Variants in ZNRF1 observed in about 807,000 individuals in gnomAD.
The protein encoded by ZNRF1 is zinc and ring finger 1.
ZNRF1 carries 3 observed loss-of-function variants against 18.4 expected under a neutral mutation model. The observed-to-expected ratio is 0.16, with a 90% CI of 0.07 to 0.42. The LOEUF (loss-of-function observed/expected upper bound fraction) is 0.42. ZNRF1 is among the 10% of genes least tolerant of loss of function. The pLI, the probability that ZNRF1 is intolerant of heterozygous loss-of-function variation, is 0.99. For synonymous variants in ZNRF1, 157 were observed against 144.2 expected (o/e 1.09, Z -0.64); for missense variants, 310 against 329.8 (o/e 0.94, Z 0.47).
At chr16:75,058,642 A>T (rs1158896997) in intron 1 of ZNRF1, among the ~76,000 whole-genome samples, 1 of 152,168 alleles carries the variant, frequency 6.6e-6, no homozygotes, top group Non-Finnish European at 1.5e-5. Flanking sequence ...GGCAGAAAGT[A>T]AGTAGCAAAC....
rs116128830 is a variant in ZNRF1, at chr16:75,069,818, A to T, written c.425-23754A>T. Among the ~76,000 whole-genome samples, 510 of 152,310 alleles carry T rather than the reference A, an allele frequency of 3.3e-3. 2 individuals carry two copies. Among genetic ancestry groups the T allele is most frequent in the African/African-American group, 0.012 (491 of 41,564 alleles). On this transcript the variant is annotated intron_variant, in intron 1 of 4. Coordinates refer to ENST00000335325, the MANE Select transcript of ZNRF1 (RefSeq NM_032268.5). Reference sequence around the variant, plus strand: ...CCAGATAAACCAGCTATCTCCACTTACATGTTTCTCACATTCCTAGAACTT... The same window carrying T: ...CCAGATAAACCAGCTATCTCCACTTTCATGTTTCTCACATTCCTAGAACTT...
chr16:75,082,397 C>A (rs2036023165), intron 1 of ZNRF1, among the ~76,000 whole-genome samples: 1 of 152,204 alleles, frequency 6.6e-6, no homozygotes, highest in Non-Finnish European at 1.5e-5. Context: ...AATACTGTTG[C>A]TGAGGATCCA....
At position 75,069,812 on chromosome 16, in the gene ZNRF1, C is replaced by T. The variant is rs1406960654; in HGVS notation, c.425-23760C>T. On this transcript the variant is annotated intron_variant, in intron 1 of 4. Coordinates refer to ENST00000335325, the MANE Select transcript of ZNRF1 (RefSeq NM_032268.5). ...CTCACACCAGATAAACCAGCTATCT[C>T]CACTTACATGTTTCTCACATTCCTA... Among the ~76,000 whole-genome samples the T allele has an allele frequency of 2.6e-5, 4 of 152,208 alleles. No individual in the cohort carries two copies. In the East Asian group the frequency reaches 7.7e-4, roughly 29 times the overall value.
intron 2 of ZNRF1, among the ~76,000 whole-genome samples, chr16:75,098,003 G>A (rs969214055): frequency 3.3e-5 from 5 of 152,230 alleles, no homozygotes; most frequent in South Asian, 2.1e-4. Flanking sequence ...GGTGCTGGCC[G>A]AGGAGTTTGC....
At chr16:75,058,178 G>A (rs1021797296) in intron 1 of ZNRF1, among the ~76,000 whole-genome samples, 1 of 143,234 alleles carries the variant, frequency 7.0e-6, no homozygotes, top group Non-Finnish European at 1.5e-5. Context: ...TCACTATGTT[G>A]TCCAGGCTGA....
chr16:75,093,563 C>T lies in ZNRF1; in HGVS notation c.425-9C>T, dbSNP rs1294540606. On this transcript the variant is annotated splice_polypyrimidine_tract_variant and intron_variant, in intron 1 of 4. Transcript: ENST00000335325. ...AGAAAACATTTCATCCCATTCTCCT[C>T]TCTTTCAGGTTTCAAGTGCCCCATT... The T allele has an allele frequency of 6.2e-7, 1 of 1,610,560 alleles. No homozygotes were observed. Among genetic ancestry groups the T allele is most frequent in the East Asian group, 2.2e-5 (1 of 44,852 alleles).
intron 1 of ZNRF1, among the ~76,000 whole-genome samples, chr16:75,013,437 C>T (rs936494251): frequency 2.6e-5 from 4 of 151,964 alleles, no homozygotes; most frequent in African/African-American, 9.7e-5. Flanking sequence ...ACCTCTGCCT[C>T]CCGGGTTCAA....
chr16:75,077,893 C>G (rs1039605974), intron 1 of ZNRF1, among the ~76,000 whole-genome samples: 1 of 152,234 alleles, frequency 6.6e-6, no homozygotes, highest in Middle Eastern at 3.2e-3. Flanking sequence ...TTCTCTGCCT[C>G]TCTCTTTCCA....
intron 1 of ZNRF1, among the ~76,000 whole-genome samples, chr16:75,092,149 AT>A (rs1344306991): frequency 6.6e-6 from 1 of 152,164 alleles, no homozygotes; most frequent in Non-Finnish European, 1.5e-5. Flanking sequence ...TAAGAAAAAA[AT>A]TTTTAATAAC....
At chr16:75,076,999 C>T (rs555347623) in intron 1 of ZNRF1, among the ~76,000 whole-genome samples, 3 of 152,156 alleles carry the variant, frequency 2.0e-5, no homozygotes, top group South Asian at 4.2e-4. Context: ...TTGTTTAAGC[C>T]GTCCAGTCTG....
chr16:75,017,368 C>T (rs1318522048), intron 1 of ZNRF1, among the ~76,000 whole-genome samples: 1 of 152,094 alleles, frequency 6.6e-6, no homozygotes, highest in Non-Finnish European at 1.5e-5. Context: ...AAATTTTAAA[C>T]ATTTTATTTA....
intron 2 of ZNRF1, 181 bp from the exon 3 acceptor site, chr16:75,104,603 G>C (rs1029233657): frequency 1.9e-6 from 1 of 518,144 alleles, no homozygotes; most frequent in Admixed American, 3.5e-5. Context: ...TGATGTCCAC[G>C]CATTATCTCC....
At chr16:75,099,378 G>A (rs1408964234) in intron 2 of ZNRF1, among the ~76,000 whole-genome samples, 1 of 152,168 alleles carries the variant, frequency 6.6e-6, no homozygotes, top group African/African-American at 2.4e-5. Flanking sequence ...AGCAGAAGAT[G>A]CCACCGCCTC....
intron 1 of ZNRF1, among the ~76,000 whole-genome samples, chr16:75,019,217 G>GT (rs374116691): frequency 1.1e-3 from 159 of 148,176 alleles, no homozygotes; most frequent in Middle Eastern, 0.01. Flanking sequence ...ACTACTATGG[G>GT]TTTTTTTTTT....
In ZNRF1 at chr16:75,055,310, A is replaced by T. The variant is rs564215588; in HGVS notation, c.425-38262A>T. Among the ~76,000 whole-genome samples, 8 of 152,290 alleles carry T rather than the reference A, an allele frequency of 5.3e-5. No individual in the cohort carries two copies. The East Asian group carries it at 1.5e-3, about 29-fold the overall frequency. On this transcript the variant is annotated intron_variant, in intron 1 of 4. Coordinates refer to ENST00000335325, the MANE Select transcript of ZNRF1 (RefSeq NM_032268.5). ...TATTTTTGAGGCGGAGTCTCGCTGTATCACCCAGGCTTACTAGAATTTAGA... is the reference window on the plus strand; with the variant it reads ...TATTTTTGAGGCGGAGTCTCGCTGTTTCACCCAGGCTTACTAGAATTTAGA...
At chr16:75,050,827 C>T (rs540344499) in intron 1 of ZNRF1, among the ~76,000 whole-genome samples, 13 of 118,730 alleles carry the variant, frequency 1.1e-4, no homozygotes, top group Non-Finnish European at 1.8e-4. Flanking sequence ...GCCAAGATTG[C>T]GCCACTGCAC....
chr16:75,003,014 T>C (rs557942811), intron 1 of ZNRF1, among the ~76,000 whole-genome samples: 1 of 152,194 alleles, frequency 6.6e-6, no homozygotes, highest in African/African-American at 2.4e-5. Flanking sequence ...AGTGCAGTGG[T>C]GCGACCTCTG....
chr16:75,023,571 C>G (rs896035717), intron 1 of ZNRF1, among the ~76,000 whole-genome samples: 5 of 152,124 alleles, frequency 3.3e-5, no homozygotes, highest in African/African-American at 1.2e-4. Context: ...GTAATCCCAG[C>G]TACTCGGGAG....
chr16:75,079,778 T>C (rs888627673), intron 1 of ZNRF1, among the ~76,000 whole-genome samples: 1 of 152,194 alleles, frequency 6.6e-6, no homozygotes, highest in African/African-American at 2.4e-5. Flanking sequence ...TCCATCTACC[T>C]GTGTTGGAGG....
Sources: gnomAD v4.1 joint callset for allele counts (sites outside exome capture counted in the v4.1 genomes callset) on GRCh38, gnomAD v4.1.1 for gene constraint, MANE v1.5 for transcripts, NCBI Gene and HGNC (gene_info 2026-07-23, HGNC 2026-07-21) for gene names.